The following VAPB variants were observed in gnomAD, a reference collection of about 807,000 sequenced individuals.
VAPB encodes vesicle-associated membrane protein-associated protein B/C.
In VAPB, 7 loss-of-function variants were observed where a neutral mutation model predicts 25.6. That is an observed-to-expected ratio of 0.27 (90% confidence interval 0.16 to 0.51). The LOEUF is 0.51. Ranked by LOEUF, VAPB falls within the 20% of genes least tolerant of loss-of-function variation. The pLI, the probability that VAPB is intolerant of heterozygous loss-of-function variation, is 0.97. For synonymous variants in VAPB, 112 were observed against 109.2 expected (o/e 1.03, Z -0.16); for missense variants, 266 against 301.3 (o/e 0.88, Z 0.87).
intron 1 of VAPB, among the ~76,000 whole-genome samples, chr20:58,397,442 C>T (rs1600771667): frequency 6.6e-6 from 1 of 151,738 alleles, no homozygotes; most frequent in Admixed American, 6.6e-5. Flanking sequence ...TCGCTTGAAC[C>T]TGGAAGACGG....
intron 2 of VAPB, among the ~76,000 whole-genome samples, chr20:58,427,033 G>A (rs1988803819): frequency 6.6e-6 from 1 of 151,858 alleles, no homozygotes; most frequent in South Asian, 2.1e-4. Context: ...AGGCGAAAGT[G>A]ACCTGTGATC....
At chr20:58,414,504 C>G (rs1988482676) in intron 1 of VAPB, among the ~76,000 whole-genome samples, 1 of 151,502 alleles carries the variant, frequency 6.6e-6, no homozygotes, top group Non-Finnish European at 1.5e-5. Context: ...CCTCACCTCT[C>G]AGACGGGGCG....
At chr20:58,428,350 A>G (rs2268916) in intron 2 of VAPB, among the ~76,000 whole-genome samples, 51,104 of 152,096 alleles carry the variant, frequency 0.34, 8,916 homozygotes, top group African/African-American at 0.35. Context: ...CAGCAGATAC[A>G]TTTTAAAAGT....
chr20:58,399,864 C>G lies in VAPB; in HGVS notation c.58+10347C>G, dbSNP rs77891379. On this transcript the variant is annotated intron_variant, in intron 1 of 5. Coordinates refer to ENST00000475243, the MANE Select transcript of VAPB (RefSeq NM_004738.5). ...ATCAACTGTACCTTCCCTTCCACCA[C>G]CCCACTCTCTGCTCCAAGTCTTTCA... Among the ~76,000 whole-genome samples, 13 of 152,294 alleles carry G rather than the reference C, an allele frequency of 8.5e-5. No individual in the cohort carries two copies. The East Asian group carries it at 2.5e-3, about 29-fold the overall frequency.
intron 2 of VAPB, among the ~76,000 whole-genome samples, chr20:58,418,631 A>G (rs1412413000): frequency 1.3e-5 from 2 of 152,142 alleles, no homozygotes; most frequent in African/African-American, 4.8e-5. Context: ...AACTGAAGTG[A>G]TAACTTTAGA....
At chr20:58,425,591 A>C (rs1302168747) in intron 2 of VAPB, among the ~76,000 whole-genome samples, 1 of 152,218 alleles carries the variant, frequency 6.6e-6, no homozygotes, top group Admixed American at 6.5e-5. Context: ...GTCTCCCAAT[A>C]AAGTAAGGTG....
At position 58,444,850 on chromosome 20, in the gene VAPB, A is replaced by G; in HGVS notation, c.*615A>G. 1 of 454,584 alleles carries G rather than the reference A, an allele frequency of 2.2e-6. No homozygotes were observed. The highest frequency in any genetic ancestry group is 4.4e-6 in the Non-Finnish European group (1 of 226,794). The allele number at this position is 454,584 out of a possible 1,614,324, so 28.2% of individuals were successfully genotyped here. A position where few individuals can be genotyped will look rare whatever the true frequency, so the allele number is the denominator to read the frequency against. ...GATTGACCCAGCGCTTTGGAAATAA[A>G]TGGCAGTGCTTTGTTCACTTAAAGG... On this transcript the variant is annotated 3_prime_UTR_variant, in exon 6 of 6. Transcript: ENST00000475243.
chr20:58,412,841 T>G (rs1388826985), intron 1 of VAPB, among the ~76,000 whole-genome samples: 1 of 152,176 alleles, frequency 6.6e-6, no homozygotes, highest in African/African-American at 2.4e-5. Flanking sequence ...AATGAATAAT[T>G]ACAGAAAAGC....
intron 1 of VAPB, among the ~76,000 whole-genome samples, chr20:58,396,903 G>A (rs1438584458): frequency 1.4e-5 from 2 of 146,494 alleles, no homozygotes; most frequent in East Asian, 1.9e-4. Context: ...TGCTGGATGA[G>A]GCTGCACTAG....
chr20:58,417,596 C>G (rs528589636), intron 1 of VAPB, among the ~76,000 whole-genome samples: 2 of 152,214 alleles, frequency 1.3e-5, no homozygotes, highest in South Asian at 4.1e-4. Context: ...TGTGGACTGC[C>G]CAGCAGGACT....
At chr20:58,441,416 C>T (rs1208942247) in intron 5 of VAPB, among the ~76,000 whole-genome samples, 1 of 152,036 alleles carries the variant, frequency 6.6e-6, no homozygotes, top group Non-Finnish European at 1.5e-5. Context: ...CCAAGGCGGG[C>T]CGATCACAAG....
At chr20:58,414,925 C>G (rs1206222237) in intron 1 of VAPB, among the ~76,000 whole-genome samples, 1 of 152,254 alleles carries the variant, frequency 6.6e-6, no homozygotes, top group Non-Finnish European at 1.5e-5. Context: ...TGCACTCCAG[C>G]CTGGGCACCA....
At chr20:58,439,519 G>A (rs1198658991) in intron 4 of VAPB, 1 of 182,552 alleles carries the variant, frequency 5.5e-6, no homozygotes, top group Admixed American at 5.4e-5. Flanking sequence ...TTGATATTTG[G>A]GGCAAATCCT....
At chr20:58,402,674 T>G (rs1988128560) in intron 1 of VAPB, among the ~76,000 whole-genome samples, 1 of 151,674 alleles carries the variant, frequency 6.6e-6, no homozygotes, top group Non-Finnish European at 1.5e-5. Context: ...TCTCTGGGTC[T>G]AAGGCATAGG....
chr20:58,408,167 T>G (rs929097056), intron 1 of VAPB, among the ~76,000 whole-genome samples: 8 of 152,210 alleles, frequency 5.3e-5, no homozygotes, highest in Admixed American at 6.5e-5. Context: ...CTGGTGTGCC[T>G]TTGATGGCAT....
chr20:58,417,756 A>C (rs1373062848), intron 1 of VAPB, among the ~76,000 whole-genome samples: 1 of 152,112 alleles, frequency 6.6e-6, no homozygotes, highest in African/African-American at 2.4e-5. Flanking sequence ...ATCATTTTGG[A>C]ATGAGTTTAG....
chr20:58,407,779 C>T (rs1988268872), intron 1 of VAPB, among the ~76,000 whole-genome samples: 3 of 151,892 alleles, frequency 2.0e-5, no homozygotes, highest in Admixed American at 2.0e-4. Flanking sequence ...GACCTATCAA[C>T]TGTTGAAATA....
intron 1 of VAPB, among the ~76,000 whole-genome samples, chr20:58,412,874 G>C (rs1353775121): frequency 6.6e-6 from 1 of 152,110 alleles, no homozygotes; most frequent in Non-Finnish European, 1.5e-5. Flanking sequence ...TGTAGATCAG[G>C]AGACTGTTTA....
At chr20:58,418,104 AT>A in intron 1 of VAPB, 106 bp from the exon 2 acceptor site, 1 of 1,456,896 alleles carries the variant, frequency 6.9e-7, no homozygotes, top group Non-Finnish European at 9.6e-7. Flanking sequence ...TAATGAGATA[AT>A]CGTGGATCTC....
Sources: gnomAD v4.1 joint callset for allele counts (sites outside exome capture counted in the v4.1 genomes callset) on GRCh38, gnomAD v4.1.1 for gene constraint, MANE v1.5 for transcripts, NCBI Gene and HGNC (gene_info 2026-07-23, HGNC 2026-07-21) for gene names.